Variants in CAPZA2 observed in about 807,000 individuals in gnomAD.
The protein encoded by CAPZA2 is capping actin protein of muscle Z-line subunit alpha 2, also known as F-actin-capping protein subunit alpha-2.
Under a neutral mutation model 44.0 loss-of-function variants are expected in CAPZA2, and 13 were observed. The ratio of observed to expected loss-of-function variants is 0.30; its 90% CI spans 0.19 to 0.47. The LOEUF is 0.47. CAPZA2 is among the 20% of genes least tolerant of loss of function. The pLI is 1.00. For missense variants in CAPZA2, 244 were observed against 338.6 expected (o/e 0.72, Z 2.19); for synonymous variants, 94 against 108.2 (o/e 0.87, Z 0.81).
intron 2 of CAPZA2, chr7:116,888,499 A>G (rs1055420261): frequency 4.5e-6 from 1 of 220,946 alleles, no homozygotes. Flanking sequence ...AAGTAAAACT[A>G]TAAACGCATA....
chr7:116,904,413 T>A, intron 5 of CAPZA2, 30 bp downstream of exon 5: 1 of 1,388,972 alleles, frequency 7.2e-7, no homozygotes, highest in Non-Finnish European at 1.0e-6. Flanking sequence ...TTTGTGTGTG[T>A]GTTTTGTGTA....
Position 116,916,139 on chromosome 7 carries a change from AT to A in CAPZA2, c.720+19del. 1 of 1,527,154 alleles carries A rather than the reference AT, an allele frequency of 6.5e-7. No individual in the cohort carries two copies. 94.6% of individuals were successfully genotyped at this position (1,527,154 alleles called of 1,614,324 possible). On this transcript the variant is annotated intron_variant, in intron 9 of 9. Coordinates refer to ENST00000361183, the MANE Select transcript of CAPZA2 (RefSeq NM_006136.3). ...GAATACCAGGTATGATTTTTTAAAT[AT>A]TATATAAGCTACACTCACATATGAA...
chr7:116,891,806 C>T (rs969694934), intron 2 of CAPZA2, among the ~76,000 whole-genome samples: 17 of 152,144 alleles, frequency 1.1e-4, no homozygotes, highest in African/African-American at 3.4e-4. Flanking sequence ...CCACCACACC[C>T]GGCCAGGATA....
intron 6 of CAPZA2, among the ~76,000 whole-genome samples, chr7:116,907,184 T>C (rs1375967783): frequency 1.3e-5 from 2 of 152,226 alleles, no homozygotes; most frequent in African/African-American, 4.8e-5. Flanking sequence ...CCAAGGTTGC[T>C]CCACTGCTTA....
chr7:116,888,212 C>G (rs373071836), intron 2 of CAPZA2, 22 bp downstream of exon 2: 3 of 1,539,172 alleles, frequency 1.9e-6, no homozygotes, highest in Non-Finnish European at 2.7e-6. Flanking sequence ...ATTTATAACA[C>G]TAGGCTTGAT....
intron 1 of CAPZA2, among the ~76,000 whole-genome samples, chr7:116,863,993 A>G (rs1796450773): frequency 6.6e-6 from 1 of 152,096 alleles, no homozygotes; most frequent in East Asian, 1.9e-4. Context: ...TGATAATACA[A>G]CAACAAAATG....
At chr7:116,870,002 T>C (rs1160723179) in intron 1 of CAPZA2, among the ~76,000 whole-genome samples, 1 of 152,182 alleles carries the variant, frequency 6.6e-6, no homozygotes, top group African/African-American at 2.4e-5. Flanking sequence ...TCCGAGTAGC[T>C]GGAAGGAGCT....
intron 1 of CAPZA2, among the ~76,000 whole-genome samples, chr7:116,863,611 G>A (rs1284237017): frequency 6.6e-6 from 1 of 152,188 alleles, no homozygotes; most frequent in Non-Finnish European, 1.5e-5. Context: ...CCCGAGGGTG[G>A]TGGGGTAGGG....
At chr7:116,911,933 A>G in intron 7 of CAPZA2, 136 bp from the exon 8 acceptor site, 1 of 1,449,380 alleles carries the variant, frequency 6.9e-7, no homozygotes, top group Non-Finnish European at 9.2e-7. Flanking sequence ...GCTGGAGTTC[A>G]AAAGTTTTGG....
At chr7:116,890,940 C>G (rs753474597) in intron 2 of CAPZA2, among the ~76,000 whole-genome samples, 1 of 151,944 alleles carries the variant, frequency 6.6e-6, no homozygotes, top group Non-Finnish European at 1.5e-5. Context: ...AAAACCTTAA[C>G]AGTTAGATGG....
chr7:116,879,529 A>G (rs1030049534), intron 1 of CAPZA2, among the ~76,000 whole-genome samples: 2 of 152,182 alleles, frequency 1.3e-5, no homozygotes, highest in African/African-American at 4.8e-5. Context: ...ACCTCAGATC[A>G]TCAGACATTA....
chr7:116,882,496 G>A (rs552813879), intron 1 of CAPZA2, among the ~76,000 whole-genome samples: 1 of 151,982 alleles, frequency 6.6e-6, no homozygotes, highest in African/African-American at 2.4e-5. Context: ...TTACAAAAAA[G>A]TAAGCCCATA....
chr7:116,918,587 T>G lies in CAPZA2; in HGVS notation c.*720T>G, dbSNP rs1038910967. The stretch of plus-strand genomic sequence containing the variant: ...AATTCCATATGTCCCTGAGTTATTT[T>G]TATCATAAAGCCACAAATGTATTAT... On this transcript the variant is annotated 3_prime_UTR_variant, in exon 10 of 10. Transcript: ENST00000361183. 6.6e-6 allele frequency: 1 copy of G among 152,624 alleles called. No homozygotes were observed. The highest frequency in any genetic ancestry group is 1.5e-5 in the Non-Finnish European group (1 of 68,024). 9.5% of individuals were successfully genotyped at this position (152,624 alleles called of 1,614,324 possible).
intron 3 of CAPZA2, 101 bp from the exon 4 acceptor site, chr7:116,898,671 A>C: frequency 1.6e-6 from 1 of 641,380 alleles, no homozygotes; most frequent in Non-Finnish European, 2.7e-6. Context: ...TGCAGTGTGC[A>C]ATGTAGGAGG....
chr7:116,910,990 C>CA (rs57772383), intron 7 of CAPZA2, among the ~76,000 whole-genome samples: 19,346 of 50,288 alleles, frequency 0.38, 3,418 homozygotes, highest in African/African-American at 0.5. Context: ...GACTCCGTCT[C>CA]AAAAAAAAAA....
At chr7:116,870,770 C>T (rs1026705601) in intron 1 of CAPZA2, among the ~76,000 whole-genome samples, 4 of 152,082 alleles carry the variant, frequency 2.6e-5, no homozygotes, top group Non-Finnish European at 4.4e-5. Flanking sequence ...AAAAAAAGAT[C>T]GCCAATAGAT....
intron 7 of CAPZA2, among the ~76,000 whole-genome samples, chr7:116,911,151 T>TAATTACAG (rs1791590433): frequency 1.3e-5 from 2 of 152,162 alleles, no homozygotes; most frequent in African/African-American, 4.8e-5. Context: ...CTTACCTGGA[T>TAATTACAG]AATTACAGCA....
At chr7:116,880,322 T>G (rs9791492) in intron 1 of CAPZA2, among the ~76,000 whole-genome samples, 29,637 of 152,182 alleles carry the variant, frequency 0.19, 3,345 homozygotes, top group East Asian at 0.4. Context: ...ATCCTCTATT[T>G]AATCCAGAAT....
chr7:116,885,045 C>A (rs1243957895), intron 1 of CAPZA2, among the ~76,000 whole-genome samples: 7 of 152,234 alleles, frequency 4.6e-5, no homozygotes, highest in Admixed American at 3.3e-4. Context: ...TACTCTTTGG[C>A]GGCGAAGTGT....
Sources: gnomAD v4.1 joint callset for allele counts (sites outside exome capture counted in the v4.1 genomes callset) on GRCh38, gnomAD v4.1.1 for gene constraint, MANE v1.5 for transcripts, NCBI Gene and HGNC (gene_info 2026-07-23, HGNC 2026-07-21) for gene names.